Variants in INPP4A observed in about 807,000 individuals in gnomAD.
INPP4A encodes the protein inositol polyphosphate-4-phosphatase type I A.
In INPP4A, 33 loss-of-function variants were observed where a neutral mutation model predicts 119.8. The ratio of observed to expected loss-of-function variants is 0.28; its 90% CI spans 0.21 to 0.37. The LOEUF (loss-of-function observed/expected upper bound fraction) is 0.37, where lower values mean the gene tolerates loss of function less well. Ranked by LOEUF, INPP4A falls within the 10% of genes least tolerant of loss-of-function variation. The pLI is 1.00. For missense variants in INPP4A, 956 were observed against 1,289.9 expected, an observed-to-expected ratio of 0.74 and a Z score of 3.97; for synonymous variants, 496 against 500.7, an observed-to-expected ratio of 0.99 and a Z score of 0.12.
intron 6 of INPP4A, 91 bp downstream of exon 6, chr2:98,535,936 A>T: frequency 1.3e-6 from 1 of 750,790 alleles, no homozygotes; most frequent in South Asian, 1.6e-5. Flanking sequence ...GATTGACTTC[A>T]CTACTGGCTC....
intron 10 of INPP4A, among the ~76,000 whole-genome samples, chr2:98,543,665 G>T (rs544221536): frequency 6.6e-6 from 1 of 152,196 alleles, no homozygotes; most frequent in Non-Finnish European, 1.5e-5. Context: ...TGGACACACT[G>T]CCACGTGGTC....
chr2:98,535,269 A>G (rs190377073), intron 5 of INPP4A, among the ~76,000 whole-genome samples: 2 of 152,380 alleles, frequency 1.3e-5, no homozygotes, highest in East Asian at 1.9e-4. Context: ...GCTTCTAGAA[A>G]TACATAATAA....
intron 23 of INPP4A, among the ~76,000 whole-genome samples, chr2:98,576,733 G>A (rs552334841): frequency 1.3e-5 from 2 of 152,348 alleles, no homozygotes; most frequent in East Asian, 1.9e-4. Flanking sequence ...GGCCACACAG[G>A]GGATGGCAGG....
At chr2:98,471,184 G>C (rs542722344) in intron 1 of INPP4A, among the ~76,000 whole-genome samples, 9 of 152,298 alleles carry the variant, frequency 5.9e-5, no homozygotes, top group African/African-American at 1.9e-4. Context: ...GCCTGTGCGT[G>C]CATGCATGTG....
intron 24 of INPP4A, among the ~76,000 whole-genome samples, chr2:98,586,746 T>C (rs1174766506): frequency 6.6e-6 from 1 of 152,192 alleles, no homozygotes; most frequent in Non-Finnish European, 1.5e-5. Flanking sequence ...AGGGCACCTG[T>C]GGGCTCTCAC....
At chr2:98,463,718 T>A (rs1185509234) in intron 1 of INPP4A, among the ~76,000 whole-genome samples, 1 of 152,228 alleles carries the variant, frequency 6.6e-6, no homozygotes, top group African/African-American at 2.4e-5. Flanking sequence ...CACAGGCATG[T>A]GCCTGCGAGA....
At chr2:98,555,515 G>T in intron 15 of INPP4A, 38 bp from the exon 16 acceptor site, 2 of 1,558,696 alleles carry the variant, frequency 1.3e-6, no homozygotes, top group South Asian at 1.2e-5. Context: ...GTTTCTGTTC[G>T]GGAGAGCTGA....
intron 10 of INPP4A, 52 bp downstream of exon 10, chr2:98,539,727 C>T (rs945860060): frequency 6.5e-7 from 1 of 1,548,826 alleles, no homozygotes; most frequent in Non-Finnish European, 8.7e-7. Flanking sequence ...TCATGTGCCC[C>T]TTCCTTTCTG....
At chr2:98,473,614 G>A (rs796808956) in intron 1 of INPP4A, among the ~76,000 whole-genome samples, 7 of 152,204 alleles carry the variant, frequency 4.6e-5, no homozygotes, top group African/African-American at 1.7e-4. Flanking sequence ...TGTGGTCAGG[G>A]CCTCTCAGGA....
rs774028594 is a variant in INPP4A at position 98,593,817 on chromosome 2, C to G, written c.*6209C>G. ...AAGGCCTGGTCTGTATCAGTCCCCT[C>G]GGATCTGGACCTCTCCTGAGCATCC... On this transcript the variant is annotated 3_prime_UTR_variant, in exon 25 of 25. Coordinates refer to ENST00000409851, the MANE Select transcript of INPP4A (RefSeq NM_001134225.2). 9.2e-6 allele frequency: 1 copy of G among 109,046 alleles called. No individual in the cohort carries two copies. Among genetic ancestry groups the G allele is most frequent in the Non-Finnish European group, 2.0e-5 (1 of 49,118 alleles). The allele number at this position is 109,046 out of a possible 1,614,324, so 6.8% of individuals were successfully genotyped here.
intron 1 of INPP4A, among the ~76,000 whole-genome samples, chr2:98,450,519 G>A (rs1695037398): frequency 6.6e-6 from 1 of 152,198 alleles, no homozygotes; most frequent in African/African-American, 2.4e-5. Flanking sequence ...CATCCAGCTA[G>A]CTGTGTGACT....
chr2:98,590,506 C>T lies in INPP4A; in HGVS notation c.*2898C>T, dbSNP rs899984176. On this transcript the variant is annotated 3_prime_UTR_variant, in exon 25 of 25. Coordinates refer to ENST00000409851, the MANE Select transcript of INPP4A (RefSeq NM_001134225.2). ...ACAACAGTACCTTCCTCATAAGGAA[C>T]GTGCGACGCGCCTCAGAAGTACGTG... 6 of 192,408 alleles carry T rather than the reference C, an allele frequency of 3.1e-5. No individual in the cohort carries two copies. Among genetic ancestry groups the T allele is most frequent in the African/African-American group, 7.0e-5 (3 of 43,012 alleles). The allele number at this position is 192,408 out of a possible 1,614,324, so 11.9% of individuals were successfully genotyped here. A position where few individuals can be genotyped will look rare whatever the true frequency, so the allele number is the denominator to read the frequency against.
At chr2:98,445,703 A>G (rs138126251) in intron 1 of INPP4A, among the ~76,000 whole-genome samples, 1 of 152,264 alleles carries the variant, frequency 6.6e-6, no homozygotes, top group Non-Finnish European at 1.5e-5. Flanking sequence ...GTCAGAGGTA[A>G]ATTTGTGTCT....
At chr2:98,465,888 C>T (rs1674662855) in intron 1 of INPP4A, among the ~76,000 whole-genome samples, 1 of 152,150 alleles carries the variant, frequency 6.6e-6, no homozygotes, top group African/African-American at 2.4e-5. Context: ...TTGGGTCTCA[C>T]TCTAGCGCCC....
At chr2:98,449,775 T>G (rs954288041) in intron 1 of INPP4A, among the ~76,000 whole-genome samples, 3 of 152,246 alleles carry the variant, frequency 2.0e-5, no homozygotes, top group Non-Finnish European at 4.4e-5. Flanking sequence ...TTTTTAAATT[T>G]GTACTCCTTC....
At chr2:98,529,502 G>A (rs536563952) in intron 4 of INPP4A, among the ~76,000 whole-genome samples, 2 of 152,256 alleles carry the variant, frequency 1.3e-5, no homozygotes, top group East Asian at 1.9e-4. Context: ...TTTGGAGGCC[G>A]AGGCAGGTGG....
intron 3 of INPP4A, 135 bp downstream of exon 3, chr2:98,520,289 C>T (rs1686936560): frequency 1.4e-6 from 1 of 700,482 alleles, no homozygotes; most frequent in Admixed American, 2.9e-5. Flanking sequence ...GGTTTGGCAT[C>T]CTTCTGGTTG....
Position 98,563,508 on chromosome 2 carries a change from C to T in INPP4A, c.1899C>T (p.Thr633=), listed in dbSNP as rs61748143. The change falls in exon 18 of 25, where the codon ACC becomes ACT. Residue 633 remains threonine, a synonymous_variant. Transcript: ENST00000409851. ...EALYPLLTTL[T]DCVAMMSDKA... is the part of the protein sequence containing the mutation. ...TTTACCCGCTGCTGACCACTCTCAC[C>T]GACTGCGTGGCCATGATGAGTGACA... 1.1e-5 allele frequency: 17 copies of T among 1,613,500 alleles called. No homozygotes were observed. The highest frequency in any genetic ancestry group is 4.5e-5 in the East Asian group (2 of 44,890).
intron 1 of INPP4A, among the ~76,000 whole-genome samples, chr2:98,492,743 G>T (rs531136606): frequency 3.9e-5 from 6 of 152,318 alleles, no homozygotes; most frequent in Non-Finnish European, 7.4e-5. Context: ...GGACTGTCTT[G>T]TATCAGTTCG....
Sources: gnomAD v4.1 joint callset for allele counts (sites outside exome capture counted in the v4.1 genomes callset) on GRCh38, gnomAD v4.1.1 for gene constraint, MANE v1.5 for transcripts, NCBI Gene and HGNC (gene_info 2026-07-23, HGNC 2026-07-21) for gene names.